FILIP1L: variants seen among roughly 807,000 people sequenced by gnomAD.
FILIP1L encodes filamin A-interacting protein 1-like.
Under a neutral mutation model 96.6 loss-of-function variants are expected in FILIP1L, and 55 were observed. That is an observed-to-expected ratio of 0.57 (90% CI 0.46 to 0.71). FILIP1L has a LOEUF of 0.71. Among genes scored for constraint, FILIP1L ranks in the 30% least tolerant of loss-of-function variants. FILIP1L has a pLI of 0.00. For missense variants in FILIP1L, 1,304 were observed against 1,321.2 expected, an observed-to-expected ratio of 0.99 and a Z score of 0.20; for synonymous variants, 467 against 473.9, an observed-to-expected ratio of 0.99 and a Z score of 0.19.
At chr3:100,100,261 T>C (rs1014255546) in intron 1 of FILIP1L, among the ~76,000 whole-genome samples, 1 of 152,136 alleles carries the variant, frequency 6.6e-6, no homozygotes. Flanking sequence ...GGACAAGAGA[T>C]AGAACAGGAC....
chr3:100,079,988 T>C (rs554233683), intron 1 of FILIP1L, among the ~76,000 whole-genome samples: 11 of 152,048 alleles, frequency 7.2e-5, no homozygotes, highest in African/African-American at 2.7e-4. Context: ...TGGCTTGGAG[T>C]GGCTAGATCA....
chr3:100,011,911 A>G (rs1232533588), intron 1 of FILIP1L, among the ~76,000 whole-genome samples: 7 of 152,218 alleles, frequency 4.6e-5, no homozygotes, highest in Non-Finnish European at 1.0e-4. Flanking sequence ...TTAAAAATAG[A>G]GAACTTCCAC....
intron 1 of FILIP1L, among the ~76,000 whole-genome samples, chr3:99,988,339 T>TA (rs762174034): frequency 0.23 from 6,500 of 28,276 alleles, 967 homozygotes; most frequent in African/African-American, 0.42. Context: ...CTACTAAAAA[T>TA]CCAAAAAAAA....
chr3:100,049,816 T>C (rs1040142583), intron 1 of FILIP1L, among the ~76,000 whole-genome samples: 2 of 152,368 alleles, frequency 1.3e-5, no homozygotes, highest in Non-Finnish European at 2.9e-5. Flanking sequence ...CTGTTTATAA[T>C]ATATATACAA....
At chr3:99,847,685 T>G (rs1365500839) in intron 5 of FILIP1L, among the ~76,000 whole-genome samples, 1 of 152,200 alleles carries the variant, frequency 6.6e-6, no homozygotes, top group Non-Finnish European at 1.5e-5. Context: ...ATCCCAAGCA[T>G]GAAGTTATGT....
chr3:99,839,910 A>G (rs1943055640), intron 5 of FILIP1L, among the ~76,000 whole-genome samples: 1 of 152,204 alleles, frequency 6.6e-6, no homozygotes, highest in Non-Finnish European at 1.5e-5. Flanking sequence ...ACAGTGTTAT[A>G]TAAGAGTGGA....
chr3:100,034,115 T>C (rs1490363162), intron 1 of FILIP1L, among the ~76,000 whole-genome samples: 1 of 152,206 alleles, frequency 6.6e-6, no homozygotes, highest in Non-Finnish European at 1.5e-5. Flanking sequence ...TCATCATCCA[T>C]TGAAATTGAC....
intron 4 of FILIP1L, among the ~76,000 whole-genome samples, chr3:99,852,661 G>A (rs1337341600): frequency 1.3e-5 from 2 of 152,060 alleles, no homozygotes; most frequent in Non-Finnish European, 2.9e-5. Flanking sequence ...GGCCAGGATG[G>A]TCTCGATCTC....
intron 1 of FILIP1L, among the ~76,000 whole-genome samples, chr3:100,111,489 A>T (rs899342133): frequency 3.3e-5 from 5 of 152,312 alleles, no homozygotes; most frequent in South Asian, 2.1e-4. Context: ...CGTAATTGAT[A>T]TGCGAGTTTT....
At chr3:99,964,949 G>A (rs1186087568) in intron 1 of FILIP1L, among the ~76,000 whole-genome samples, 2 of 152,126 alleles carry the variant, frequency 1.3e-5, no homozygotes, top group African/African-American at 2.4e-5. Flanking sequence ...TATAAAAATT[G>A]TTCTTCAAAC....
chr3:99,959,144 A>G (rs1193699856), intron 1 of FILIP1L, among the ~76,000 whole-genome samples: 1 of 152,078 alleles, frequency 6.6e-6, no homozygotes. Context: ...TTTTTCCCAA[A>G]CTTTATTTTT....
intron 4 of FILIP1L, among the ~76,000 whole-genome samples, chr3:99,894,179 G>C (rs1706176328): frequency 6.6e-6 from 1 of 152,198 alleles, no homozygotes; most frequent in African/African-American, 2.4e-5. Context: ...GGTATTAATA[G>C]AAAAGGAGAT....
intron 1 of FILIP1L, among the ~76,000 whole-genome samples, chr3:100,107,729 T>C (rs776519478): frequency 2.0e-5 from 3 of 152,128 alleles, no homozygotes; most frequent in Non-Finnish European, 2.9e-5. Flanking sequence ...GGAAGAGTCA[T>C]TTCCCATTAT....
intron 4 of FILIP1L, among the ~76,000 whole-genome samples, chr3:99,877,814 C>A (rs1705585866): frequency 6.6e-6 from 1 of 152,160 alleles, no homozygotes; most frequent in Admixed American, 6.6e-5. Flanking sequence ...TTGTATGATG[C>A]ATAAACACCT....
chr3:100,019,596 A>G (rs1471629111), intron 1 of FILIP1L, among the ~76,000 whole-genome samples: 1 of 152,178 alleles, frequency 6.6e-6, no homozygotes, highest in African/African-American at 2.4e-5. Context: ...ACAGTAGTAG[A>G]TACTTTTTTC....
intron 1 of FILIP1L, among the ~76,000 whole-genome samples, chr3:99,990,482 CAA>C (rs1709479719): frequency 6.6e-6 from 1 of 152,192 alleles, no homozygotes; most frequent in South Asian, 2.1e-4. Flanking sequence ...CACCTTCTCT[CAA>C]CTTAAAGTCA....
intron 1 of FILIP1L, among the ~76,000 whole-genome samples, chr3:99,969,099 GA>G (rs1383469484): frequency 5.9e-5 from 9 of 152,164 alleles, no homozygotes; most frequent in African/African-American, 1.9e-4. Flanking sequence ...TGGGAGTGCT[GA>G]AAAGGGGGGC....
intron 1 of FILIP1L, among the ~76,000 whole-genome samples, chr3:99,984,360 A>T (rs1308271912): frequency 6.6e-6 from 1 of 152,212 alleles, no homozygotes; most frequent in African/African-American, 2.4e-5. Flanking sequence ...TATTTTTAGG[A>T]TTAAACCATT....
intron 1 of FILIP1L, among the ~76,000 whole-genome samples, chr3:100,049,675 C>T (rs1271796009): frequency 6.6e-6 from 1 of 152,192 alleles, no homozygotes; most frequent in East Asian, 1.9e-4. Context: ...CTTCTTCCTC[C>T]TCCTTCTCAG....
Sources: allele counts gnomAD v4.1 joint callset (sites outside exome capture counted in the v4.1 genomes callset), GRCh38; gene constraint gnomAD v4.1.1; transcripts MANE v1.5; gene names NCBI Gene and HGNC (gene_info 2026-07-23, HGNC 2026-07-21).